CACNA2D1: variants seen among roughly 807,000 people sequenced by gnomAD.
CACNA2D1 encodes the protein voltage-dependent calcium channel subunit alpha-2/delta-1.
Under a neutral mutation model 171.5 loss-of-function variants are expected in CACNA2D1, and 53 were observed. The observed-to-expected ratio is 0.31, with a 90% CI of 0.25 to 0.39. The LOEUF (loss-of-function observed/expected upper bound fraction) is 0.39. Among genes scored for constraint, CACNA2D1 ranks in the 10% least tolerant of loss-of-function variants. The pLI, the probability that CACNA2D1 is intolerant of heterozygous loss-of-function variation, is 1.00. For missense variants in CACNA2D1, 903 were observed against 1,299.8 expected (o/e 0.69, Z 4.69); for synonymous variants, 442 against 443.1 (o/e 1.00, Z 0.03).
chr7:82,184,588 C>A (rs1797476664), intron 3 of CACNA2D1, among the ~76,000 whole-genome samples: 1 of 152,028 alleles, frequency 6.6e-6, no homozygotes, highest in South Asian at 2.1e-4. Context: ...ATACTATTAT[C>A]CTGTAATTTT....
chr7:82,253,570 A>T (rs1805931788), intron 3 of CACNA2D1, among the ~76,000 whole-genome samples: 1 of 152,232 alleles, frequency 6.6e-6, no homozygotes. Flanking sequence ...AGTAAGATAA[A>T]CTAAAAGAAT....
intron 4 of CACNA2D1, among the ~76,000 whole-genome samples, chr7:82,157,653 C>T (rs3801732): frequency 0.33 from 49,690 of 151,592 alleles, 9,786 homozygotes; most frequent in East Asian, 0.5. Context: ...AGCAGGCTTA[C>T]GTTATCTTGA....
At chr7:82,313,016 A>G (rs150723737) in intron 3 of CACNA2D1, among the ~76,000 whole-genome samples, 2 of 152,324 alleles carry the variant, frequency 1.3e-5, no homozygotes, top group Non-Finnish European at 2.9e-5. Flanking sequence ...TCGTATGTAC[A>G]GTCCTGGTTT....
intron 18 of CACNA2D1, among the ~76,000 whole-genome samples, chr7:82,000,796 T>TTTTTTTTTTTTTTTTTTTTTTTC (rs1798524601): frequency 8.2e-6 from 1 of 121,420 alleles, no homozygotes; most frequent in African/African-American, 3.2e-5. Context: ...TTTTTTTTTT[T>TTTTTTTTTTTTTTTTTTTTTTTC]TTTTTTTTTT....
chr7:82,223,979 C>G (rs1050246612), intron 3 of CACNA2D1, among the ~76,000 whole-genome samples: 2 of 152,120 alleles, frequency 1.3e-5, no homozygotes, highest in African/African-American at 4.8e-5. Flanking sequence ...ATGCCAGGCA[C>G]GATCCAGCTT....
chr7:82,288,466 T>A (rs1371063921), intron 3 of CACNA2D1, among the ~76,000 whole-genome samples: 1 of 151,492 alleles, frequency 6.6e-6, no homozygotes, highest in South Asian at 2.1e-4. Context: ...CACATTTGAA[T>A]GCTTAGCTTC....
At chr7:82,138,017 GC>G (rs1203808170) in intron 4 of CACNA2D1, among the ~76,000 whole-genome samples, 4 of 152,074 alleles carry the variant, frequency 2.6e-5, no homozygotes, top group Non-Finnish European at 5.9e-5. Context: ...TGTCATGTGG[GC>G]AAAAGCATTC....
At chr7:82,417,753 T>G (rs1194995317) in intron 1 of CACNA2D1, among the ~76,000 whole-genome samples, 3 of 152,104 alleles carry the variant, frequency 2.0e-5, no homozygotes, top group Non-Finnish European at 4.4e-5. Context: ...AATTTGTCTG[T>G]AGTAGGAAAG....
chr7:82,078,869 GAGGAGAAAGAGGA>G (rs1184562552), intron 7 of CACNA2D1, among the ~76,000 whole-genome samples: 6 of 151,870 alleles, frequency 4.0e-5, no homozygotes, highest in Non-Finnish European at 8.8e-5. Flanking sequence ...CCAAGAAGGA[GAGGAGAAAGAGGA>G]AGAAGAAAGA....
At chr7:82,030,090 A>T (rs879846162) in intron 12 of CACNA2D1, 1 of 151,822 alleles carries the variant, frequency 6.6e-6, no homozygotes. Context: ...CATGTGGTTT[A>T]TCTTGTCATG....
Position 82,126,861 on chromosome 7 carries a change from A to T in CACNA2D1, c.397-9688T>A, listed in dbSNP as rs558255294. 7.7e-4 allele frequency among the ~76,000 whole-genome samples: 118 copies of T among 152,306 alleles called. 1 individual carries two copies. The highest frequency in any genetic ancestry group is 2.7e-3 in the African/African-American group (114 of 41,564). Reference sequence around the variant, plus strand: ...CTTATCTCCCATCTCCTCAGCTGCAACACCCAAATAAAGCTTTCTTCCCTG... The same window carrying T: ...CTTATCTCCCATCTCCTCAGCTGCATCACCCAAATAAAGCTTTCTTCCCTG... On this transcript the variant is annotated intron_variant, in intron 5 of 38. Transcript: ENST00000356860.
intron 3 of CACNA2D1, among the ~76,000 whole-genome samples, chr7:82,303,300 T>A (rs1268059019): frequency 1.3e-5 from 2 of 152,104 alleles, no homozygotes; most frequent in Non-Finnish European, 2.9e-5. Flanking sequence ...AGCCACCACA[T>A]CCGGCCAACA....
At chr7:81,994,600 A>G (rs535540457) in intron 20 of CACNA2D1, among the ~76,000 whole-genome samples, 1 of 152,204 alleles carries the variant, frequency 6.6e-6, no homozygotes, top group Admixed American at 6.5e-5. Context: ...TATGTAAAAT[A>G]TAATTTCAAG....
chr7:82,262,924 G>A (rs1239215734), intron 3 of CACNA2D1, among the ~76,000 whole-genome samples: 2 of 151,996 alleles, frequency 1.3e-5, no homozygotes, highest in Non-Finnish European at 2.9e-5. Flanking sequence ...AGGAGAATCT[G>A]AGCAAATGGG....
At chr7:82,138,776 C>T (rs975040945) in intron 4 of CACNA2D1, among the ~76,000 whole-genome samples, 17 of 152,008 alleles carry the variant, frequency 1.1e-4, no homozygotes, top group African/African-American at 3.9e-4. Flanking sequence ...AAAAGCAGAG[C>T]TCATCACATG....
intron 4 of CACNA2D1, among the ~76,000 whole-genome samples, chr7:82,151,552 T>G (rs1301586623): frequency 6.6e-6 from 1 of 152,096 alleles, no homozygotes; most frequent in African/African-American, 2.4e-5. Flanking sequence ...TGAAGAAATT[T>G]GGATGGTTTT....
chr7:82,405,922 G>GGTA (rs1826982114), intron 1 of CACNA2D1, among the ~76,000 whole-genome samples: 1 of 151,996 alleles, frequency 6.6e-6, no homozygotes. Context: ...TAAGTTCTAG[G>GGTA]GTACCTGCGC....
At chr7:82,069,272 G>T (rs556257129) in intron 7 of CACNA2D1, among the ~76,000 whole-genome samples, 1 of 152,238 alleles carries the variant, frequency 6.6e-6, no homozygotes, top group South Asian at 2.1e-4. Context: ...CACAGTGAAA[G>T]CTGCATGTTT....
intron 4 of CACNA2D1, among the ~76,000 whole-genome samples, chr7:82,138,440 G>GTTTTTTTTTTTTT (rs1423711232): frequency 1.0e-5 from 1 of 95,348 alleles, no homozygotes; most frequent in African/African-American, 3.6e-5. Flanking sequence ...TGTTTTTTTT[G>GTTTTTTTTTTTTT]TTTTTTTTGT....
Sources: allele counts gnomAD v4.1 joint callset (sites outside exome capture counted in the v4.1 genomes callset), GRCh38; gene constraint gnomAD v4.1.1; transcripts MANE v1.5; gene names NCBI Gene and HGNC (gene_info 2026-07-23, HGNC 2026-07-21).